The following KICS2 variants were observed in gnomAD, a reference collection of about 807,000 sequenced individuals.
KICS2 encodes the protein KICSTOR complex protein C12orf66.
A neutral mutation model predicts 31.4 loss-of-function variants in KICS2; 13 were observed. That is an observed-to-expected ratio of 0.41 (90% CI 0.27 to 0.66). KICS2 has a LOEUF of 0.66. Among genes scored for constraint, KICS2 ranks in the 30% least tolerant of loss-of-function variants. KICS2 has a pLI of 0.28. For missense variants in KICS2, 455 were observed against 545.4 expected (o/e 0.83, Z 1.65); for synonymous variants, 209 against 214.8 (o/e 0.97, Z 0.24).
In KICS2 at chr12:64,222,129, C is replaced by A; in HGVS notation, c.109G>T (p.Val37Leu). 1 of 1,614,096 alleles carries A rather than the reference C, an allele frequency of 6.2e-7. No homozygotes were observed. Among genetic ancestry groups the A allele is most frequent in the East Asian group, 2.2e-5 (1 of 44,850 alleles). ...IFSYDKAKDN[V>L]EKEREANKSA... Reference sequence around the variant, plus strand: ...TTGTTGGCCTCTCGTTCCTTCTCCACATTGTCCTTAGCCTTGTCGTAAGAG... The same window carrying A: ...TTGTTGGCCTCTCGTTCCTTCTCCAAATTGTCCTTAGCCTTGTCGTAAGAG... The change falls in exon 1 of 3, where the codon GTG becomes TTG. Residue 37 changes from valine to leucine, a missense_variant. Val to Leu is a conservative substitution (Grantham distance 32). Coordinates refer to ENST00000398055, the MANE Select transcript of KICS2 (RefSeq NM_152440.5).
rs1431184400 is a variant in KICS2, at chr12:64,192,837, G to A, written c.*1005C>T. ...AGGCATGAAACCCAAGTTCAGAAGT[G>A]CTTAAGTACTGAGGTGATTACTCAA... On this transcript the variant is annotated 3_prime_UTR_variant, in exon 3 of 3. Coordinates refer to ENST00000398055, the MANE Select transcript of KICS2 (RefSeq NM_152440.5). The A allele has an allele frequency of 1.0e-6, 1 of 985,332 alleles. No individual in the cohort carries two copies. The highest frequency in any genetic ancestry group is 1.2e-6 in the Non-Finnish European group (1 of 829,946). 61.0% of individuals were successfully genotyped at this position (985,332 alleles called of 1,614,324 possible).
chr12:64,187,669 G>A, downstream of KICS2: 6 of 1,534,036 alleles, frequency 3.9e-6, no homozygotes, highest in African/African-American at 4.1e-5. Context: ...GAAAAGTAGA[G>A]AGGGAATTGC....
chr12:64,190,665 G>A (rs2037371586), downstream of KICS2, among the ~76,000 whole-genome samples: 1 of 151,838 alleles, frequency 6.6e-6, no homozygotes, highest in East Asian at 1.9e-4. Context: ...CAAGAGGACT[G>A]TTGAGCCTAG....
chr12:64,189,643 A>G (rs1409823279), downstream of KICS2, among the ~76,000 whole-genome samples: 1 of 152,112 alleles, frequency 6.6e-6, no homozygotes, highest in Non-Finnish European at 1.5e-5. Flanking sequence ...AGATATAAAT[A>G]AGTAAGTTAA....
downstream of KICS2, chr12:64,187,697 A>C: frequency 6.7e-7 from 1 of 1,499,040 alleles, no homozygotes; most frequent in Non-Finnish European, 9.0e-7. Flanking sequence ...AATTAAACCT[A>C]CAGGGCTTTT....
rs111286748 is a variant in KICS2 at position 64,216,224 on chromosome 12, A to G, written c.236-261T>C. ...GGAATAAGCTAAATGAATACCTGAT[A>G]GAATTCATTACTGTAGCAATGGACC... is the stretch of plus-strand genomic sequence containing the variant. On this transcript the variant is annotated intron_variant, in intron 1 of 2. Coordinates refer to ENST00000398055, the MANE Select transcript of KICS2 (RefSeq NM_152440.5). Among the ~76,000 whole-genome samples the G allele has an allele frequency of 5.5e-3, 828 of 150,534 alleles. 4 individuals carry two copies. Among genetic ancestry groups the G allele is most frequent in the Non-Finnish European group, 9.3e-3 (634 of 67,946 alleles).
intron 2 of KICS2, among the ~76,000 whole-genome samples, chr12:64,203,619 T>C (rs1040243870): frequency 2.6e-5 from 4 of 152,134 alleles, no homozygotes; most frequent in Non-Finnish European, 4.4e-5. Context: ...AGCCCTGTTT[T>C]GGCTGCTGGT....
At chr12:64,207,335 A>T (rs530262572) in intron 2 of KICS2, among the ~76,000 whole-genome samples, 2 of 150,964 alleles carry the variant, frequency 1.3e-5, no homozygotes, top group East Asian at 1.9e-4. Context: ...AGAGATGGCA[A>T]ATTTGATATT....
At chr12:64,220,219 C>T (rs1460643073) in intron 1 of KICS2, among the ~76,000 whole-genome samples, 2 of 152,172 alleles carry the variant, frequency 1.3e-5, no homozygotes, top group Admixed American at 6.5e-5. Flanking sequence ...AGGCATAGTC[C>T]TCATGCTCAC....
At position 64,192,970 on chromosome 12, in the gene KICS2, G is replaced by C. The variant is rs535757266; in HGVS notation, c.*872C>G. 1 of 985,428 alleles carries C rather than the reference G, an allele frequency of 1.0e-6. No homozygotes were observed. The highest frequency in any genetic ancestry group is 1.1e-4 in the East Asian group (1 of 8,816). The allele number at this position is 985,428 out of a possible 1,614,324, so 61.0% of individuals were successfully genotyped here. A position where few individuals can be genotyped will look rare whatever the true frequency, so the allele number is the denominator to read the frequency against. On this transcript the variant is annotated 3_prime_UTR_variant, in exon 3 of 3. Coordinates refer to ENST00000398055, the MANE Select transcript of KICS2 (RefSeq NM_152440.5). ...GGCTATGTTGCATGAGTATCTAAAA[G>C]TGGCTGAAAAACCGACTGCATGCTT...
chr12:64,217,653 T>C (rs2037641180), intron 1 of KICS2, among the ~76,000 whole-genome samples: 1 of 151,884 alleles, frequency 6.6e-6, no homozygotes, highest in Non-Finnish European at 1.5e-5. Flanking sequence ...ACAAAACAAT[T>C]AGCCAGGCAT....
intron 2 of KICS2, among the ~76,000 whole-genome samples, chr12:64,203,750 A>C (rs2037511845): frequency 6.6e-6 from 1 of 152,236 alleles, no homozygotes; most frequent in South Asian, 2.1e-4. Context: ...AAGAGAGTCC[A>C]CACTAGGTTG....
chr12:64,193,856 C>T lies in KICS2; in HGVS notation c.1324G>A (p.Gly442Arg). 2 of 1,612,502 alleles carry T rather than the reference C, an allele frequency of 1.2e-6. No homozygotes were observed. Among genetic ancestry groups the T allele is most frequent in the Non-Finnish European group, 8.5e-7 (1 of 1,179,178 alleles). Residue 442 changes from glycine to arginine, a missense_variant, in exon 3 of 3, where the codon GGA (glycine) becomes AGA (arginine). Gly to Arg is a moderately radical substitution (Grantham distance 125, BLOSUM62 -2). Coordinates refer to ENST00000398055, the MANE Select transcript of KICS2 (RefSeq NM_152440.5). ...CAAATCACCTGCTAACCTTTGGCTCCAGGTTTCAGACTTGCAAACACTTTG... is the reference window on the plus strand; with the variant it reads ...CAAATCACCTGCTAACCTTTGGCTCTAGGTTTCAGACTTGCAAACACTTTG... ...NPKVFASLKP[G>R]AKG
chr12:64,205,127 G>C (rs900351731), intron 2 of KICS2, among the ~76,000 whole-genome samples: 1 of 152,180 alleles, frequency 6.6e-6, no homozygotes, highest in Non-Finnish European at 1.5e-5. Context: ...CATGAAATTA[G>C]AGAAAATTCT....
At chr12:64,201,605 TAAAAAAAAAAAAAGAA>T (rs1443562205) in intron 2 of KICS2, among the ~76,000 whole-genome samples, 4 of 115,658 alleles carry the variant, frequency 3.5e-5, no homozygotes, top group African/African-American at 1.1e-4. Context: ...TAAAGTATAA[TAAAAAAAAAAAAAGAA>T]AAAAAAAAAA....
chr12:64,194,955 T>G (rs1459932668), intron 2 of KICS2, among the ~76,000 whole-genome samples: 1 of 152,010 alleles, frequency 6.6e-6, no homozygotes, highest in Non-Finnish European at 1.5e-5. Context: ...TTTTTATTTA[T>G]TTATTTTAGA....
chr12:64,206,724 C>G (rs1338736803), intron 2 of KICS2, among the ~76,000 whole-genome samples: 1 of 152,150 alleles, frequency 6.6e-6, no homozygotes. Flanking sequence ...AGAAGGAAAT[C>G]TTGTCACATG....
At position 64,193,462 on chromosome 12, in the gene KICS2, G is replaced by C; in HGVS notation, c.*380C>G. The C allele has an allele frequency of 6.0e-6, 6 of 1,006,766 alleles. No individual in the cohort carries two copies. Among genetic ancestry groups the C allele is most frequent in the Non-Finnish European group, 7.1e-6 (6 of 844,236 alleles). 62.4% of individuals were successfully genotyped at this position (1,006,766 alleles called of 1,614,324 possible). On this transcript the variant is annotated 3_prime_UTR_variant, in exon 3 of 3. Coordinates refer to ENST00000398055, the MANE Select transcript of KICS2 (RefSeq NM_152440.5). ...TATCTCATCCCTATTACTCTTCCAA[G>C]AAGGAGGGAAACAGAGAGGCTGTTT...
At position 64,220,372 on chromosome 12, in the gene KICS2, T is replaced by A. The variant is rs1391774437; in HGVS notation, c.235+1631A>T. 3.3e-5 allele frequency among the ~76,000 whole-genome samples: 5 copies of A among 152,300 alleles called. No individual in the cohort carries two copies. In the East Asian group the frequency reaches 7.7e-4, roughly 24 times the overall value. ...AGTTCTGTTTACGTAAAAACCTGGC[T>A]CATTCAACTTAAAACTAGAGTAGCA... is the stretch of plus-strand genomic sequence containing the variant. On this transcript the variant is annotated intron_variant, in intron 1 of 2. Transcript: ENST00000398055.
Sources: allele counts gnomAD v4.1 joint callset (sites outside exome capture counted in the v4.1 genomes callset), GRCh38; gene constraint gnomAD v4.1.1; transcripts MANE v1.5; gene names NCBI Gene and HGNC (gene_info 2026-07-23, HGNC 2026-07-21).